The following RFWD3 variants were observed in gnomAD, a reference collection of about 807,000 sequenced individuals.
RFWD3 encodes ring finger and WD repeat domain 3.
Under a neutral mutation model 87.7 loss-of-function variants are expected in RFWD3, and 65 were observed. That is an observed-to-expected ratio of 0.74 (90% CI 0.61 to 0.91). RFWD3 has a LOEUF of 0.91. RFWD3 is among the 40% of genes least tolerant of loss of function. The pLI, the probability that RFWD3 is intolerant of heterozygous loss-of-function variation, is 0.00. For missense variants in RFWD3, 1,078 were observed against 938.5 expected, an observed-to-expected ratio of 1.15 and a Z score of -1.94; for synonymous variants, 433 against 352.8, an observed-to-expected ratio of 1.23 and a Z score of -2.55.
chr16:74,663,579 T>G (rs936539887), intron 1 of RFWD3, among the ~76,000 whole-genome samples: 18 of 152,192 alleles, frequency 1.2e-4, no homozygotes, highest in African/African-American at 4.1e-4. Context: ...TACATATATG[T>G]ATCTTTCTCT....
chr16:74,644,352 T>TACC lies in RFWD3; in HGVS notation c.1079+7_1079+9dup, dbSNP rs754532759. ...GGAACATTCCAGCCAGGCATACTCT[T>TACC]ACCACCTACCTTTTCATGCGCTCCT... On this transcript the variant is annotated intron_variant, in intron 6 of 12. Transcript: ENST00000361070. 1.5e-4 allele frequency: 241 copies of TACC among 1,613,568 alleles called. No homozygotes were observed. Among genetic ancestry groups the TACC allele is most frequent in the Non-Finnish European group, 3.6e-5 (42 of 1,179,808 alleles).
At chr16:74,657,273 A>T (rs1455227142) in intron 2 of RFWD3, among the ~76,000 whole-genome samples, 1 of 152,182 alleles carries the variant, frequency 6.6e-6, no homozygotes, top group Non-Finnish European at 1.5e-5. Context: ...TGACAAGAAT[A>T]AGGAATGCCA....
intron 4 of RFWD3, among the ~76,000 whole-genome samples, chr16:74,647,496 C>T (rs951009896): frequency 2.0e-5 from 3 of 152,148 alleles, no homozygotes; most frequent in African/African-American, 7.2e-5. Flanking sequence ...CCCTGTTGGC[C>T]AGGCTGGTCT....
At chr16:74,664,156 G>C (rs1045653282) in intron 1 of RFWD3, among the ~76,000 whole-genome samples, 4 of 152,138 alleles carry the variant, frequency 2.6e-5, no homozygotes, top group African/African-American at 7.2e-5. Context: ...TTCCCACGTT[G>C]CCTAGGCTGG....
chr16:74,637,827 G>T, intron 7 of RFWD3, 29 bp downstream of exon 7: 2 of 1,514,846 alleles, frequency 1.3e-6, no homozygotes, highest in South Asian at 1.1e-5. Flanking sequence ...TATTCCAAAA[G>T]TTCTTTGGAT....
At position 74,626,410 on chromosome 16, in the gene RFWD3, A is replaced by G; in HGVS notation, c.2114T>C (p.Phe705Ser). The change falls in exon 12 of 13, where the codon TTC (phenylalanine) becomes TCC (serine). Residue 705 changes from phenylalanine (F) to serine (S), a missense_variant. Physicochemically the swap from Phe to Ser is radical, Grantham distance 155. Transcript: ENST00000361070. ...TCKLLTKNAI[F>S]QSPENDGNIL... ...GTTGCCATCATTCTCTGGGCTTTGG[A>G]AAATGGCATTTTTGGTCAATAGTTT... 1 of 1,614,206 alleles carries G rather than the reference A, an allele frequency of 6.2e-7. No homozygotes were observed. The highest frequency in any genetic ancestry group is 8.5e-7 in the Non-Finnish European group (1 of 1,180,036).
chr16:74,654,688 G>A (rs1347355017), intron 2 of RFWD3, among the ~76,000 whole-genome samples: 2 of 152,192 alleles, frequency 1.3e-5, no homozygotes, highest in African/African-American at 4.8e-5. Context: ...GGATAGGCCA[G>A]AAGCCAGGCC....
chr16:74,625,077 A>C (rs2144008721), intron 12 of RFWD3, among the ~76,000 whole-genome samples: 1 of 152,170 alleles, frequency 6.6e-6, no homozygotes, highest in South Asian at 2.1e-4. Flanking sequence ...GCACACACCC[A>C]TAGTTCCAGC....
In RFWD3 at chr16:74,622,145, ACCAC is replaced by A. The variant is rs1206687155; in HGVS notation, c.*1779_*1782del. The A allele has an allele frequency of 6.6e-6, 1 of 152,172 alleles. No homozygotes were observed. Among genetic ancestry groups the A allele is most frequent in the African/African-American group, 2.4e-5 (1 of 41,440 alleles). The allele number at this position is 152,172 out of a possible 1,614,324, so 9.4% of individuals were successfully genotyped here. A position where few individuals can be genotyped will look rare whatever the true frequency, so the allele number is the denominator to read the frequency against. On this transcript the variant is annotated 3_prime_UTR_variant, in exon 13 of 13. Coordinates refer to ENST00000361070, the MANE Select transcript of RFWD3 (RefSeq NM_018124.4). ...CAAAGACAAAGCCAGCCAGGACCTG[ACCAC>A]CTGTATCCTCTTGGTGGCAATCTGC... is the stretch of plus-strand genomic sequence containing the variant.
intron 2 of RFWD3, among the ~76,000 whole-genome samples, chr16:74,654,050 A>ATTAT (rs1960778483): frequency 6.6e-6 from 1 of 152,212 alleles, no homozygotes; most frequent in Non-Finnish European, 1.5e-5. Context: ...CATAACCACA[A>ATTAT]GGTTATGTAA....
chr16:74,650,821 G>A (rs958817032), intron 3 of RFWD3, among the ~76,000 whole-genome samples: 2 of 151,814 alleles, frequency 1.3e-5, no homozygotes, highest in Non-Finnish European at 2.9e-5. Flanking sequence ...AGGCTGCGGT[G>A]AGCTGTGATC....
chr16:74,636,720 GTTTTT>G, intron 7 of RFWD3, 143 bp from the exon 8 acceptor site: 2 of 551,066 alleles, frequency 3.6e-6, no homozygotes, highest in South Asian at 5.3e-5. Context: ...CAGAGTTTTT[GTTTTT>G]TTTTTTAAGA....
intron 2 of RFWD3, among the ~76,000 whole-genome samples, chr16:74,655,808 G>A (rs1016897707): frequency 2.6e-5 from 4 of 152,116 alleles, no homozygotes; most frequent in African/African-American, 4.8e-5. Context: ...TTACAGGCGT[G>A]AGCCACCACA....
intron 6 of RFWD3, among the ~76,000 whole-genome samples, chr16:74,642,105 T>A (rs893034176): frequency 6.6e-6 from 1 of 152,096 alleles, no homozygotes; most frequent in Non-Finnish European, 1.5e-5. Context: ...AAGAACTTAG[T>A]TCACAGGAAG....
At chr16:74,638,384 T>C (rs567898829) in intron 6 of RFWD3, among the ~76,000 whole-genome samples, 8 of 152,010 alleles carry the variant, frequency 5.3e-5, no homozygotes, top group African/African-American at 1.4e-4. Flanking sequence ...AGAGCAAAAG[T>C]AGACATCAAG....
chr16:74,663,309 C>A (rs137924263), intron 1 of RFWD3, among the ~76,000 whole-genome samples: 53 of 152,184 alleles, frequency 3.5e-4, no homozygotes, highest in Admixed American at 1.2e-3. Context: ...GTTAAAAGTA[C>A]AACAGAGTAA....
chr16:74,644,536 C>A lies in RFWD3; in HGVS notation c.987+5G>T, dbSNP rs1400811749. On this transcript the variant is annotated splice_donor_5th_base_variant and intron_variant, in intron 5 of 12. Coordinates refer to ENST00000361070, the MANE Select transcript of RFWD3 (RefSeq NM_018124.4). ...TGTTAATGTGTCCTTACCTATGGTC[C>A]TTACCTGGGGACATTTTCGTACTTG... The A allele has an allele frequency of 1.2e-6, 2 of 1,614,182 alleles. No homozygotes were observed. The highest frequency in any genetic ancestry group is 3.3e-5 in the Admixed American group (2 of 60,018).
intron 1 of RFWD3, among the ~76,000 whole-genome samples, chr16:74,663,821 G>C (rs967416861): frequency 2.0e-5 from 3 of 152,196 alleles, no homozygotes; most frequent in African/African-American, 7.2e-5. Flanking sequence ...GTGTGTTATT[G>C]AGAAGCAAGC....
chr16:74,663,960 A>G (rs1382714519), intron 1 of RFWD3, among the ~76,000 whole-genome samples: 2 of 152,222 alleles, frequency 1.3e-5, no homozygotes, highest in Non-Finnish European at 2.9e-5. Flanking sequence ...AACACCAGCC[A>G]GCTAAAACAA....
Sources: allele counts gnomAD v4.1 joint callset (sites outside exome capture counted in the v4.1 genomes callset), GRCh38; gene constraint gnomAD v4.1.1; transcripts MANE v1.5; gene names NCBI Gene and HGNC (gene_info 2026-07-23, HGNC 2026-07-21).